The following KIAA0586 variants were observed in gnomAD, a reference collection of about 807,000 sequenced individuals.
KIAA0586 encodes protein TALPID3.
In KIAA0586, 144 loss-of-function variants were observed where a neutral mutation model predicts 169.8. The observed-to-expected ratio is 0.85, with a 90% CI of 0.74 to 0.97. KIAA0586 has a LOEUF of 0.97. Ranked by LOEUF, KIAA0586 falls within the 50% of genes least tolerant of loss-of-function variation. The pLI is 0.00. For missense variants in KIAA0586, 1,854 were observed against 1,823.0 expected, an observed-to-expected ratio of 1.02 and a Z score of -0.31; for synonymous variants, 625 against 612.4, an observed-to-expected ratio of 1.02 and a Z score of -0.30.
intron 27 of KIAA0586, among the ~76,000 whole-genome samples, chr14:58,507,349 C>T (rs1263335256): frequency 2.2e-5 from 3 of 138,024 alleles, no homozygotes; most frequent in Non-Finnish European, 3.2e-5. Context: ...TATATAATAT[C>T]ATATATAATA....
intron 4 of KIAA0586, chr14:58,440,289 TC>T: frequency 1.6e-5 from 3 of 192,260 alleles, no homozygotes; most frequent in Non-Finnish European, 3.4e-5. Flanking sequence ...TTTTCTTCTT[TC>T]TCTCTCTCTC....
intron 27 of KIAA0586, among the ~76,000 whole-genome samples, chr14:58,501,681 T>G (rs1037905245): frequency 1.6e-4 from 24 of 152,228 alleles, no homozygotes; most frequent in African/African-American, 5.5e-4. Context: ...TATAGCAGAA[T>G]AGCTAAGAGT....
chr14:58,538,871 C>T (rs1441954322), intron 29 of KIAA0586, among the ~76,000 whole-genome samples: 3 of 152,080 alleles, frequency 2.0e-5, no homozygotes, highest in South Asian at 2.1e-4. Flanking sequence ...CCTCTGCCTC[C>T]TGGACTCAAG....
chr14:58,540,712 T>C (rs1241620493), intron 30 of KIAA0586, among the ~76,000 whole-genome samples: 1 of 152,198 alleles, frequency 6.6e-6, no homozygotes, highest in African/African-American at 2.4e-5. Flanking sequence ...CTAAAAGATA[T>C]TTTGGGATAA....
At chr14:58,544,334 A>G (rs1266161955) in intron 30 of KIAA0586, among the ~76,000 whole-genome samples, 1 of 152,126 alleles carries the variant, frequency 6.6e-6, no homozygotes, top group Non-Finnish European at 1.5e-5. Flanking sequence ...GAACATTTGC[A>G]TATATGTGTC....
At chr14:58,488,923 C>A (rs1169662905) in intron 24 of KIAA0586, 49 bp downstream of exon 24, 2 of 1,553,028 alleles carry the variant, frequency 1.3e-6, no homozygotes, top group Admixed American at 1.8e-5. Context: ...TATGCTAATT[C>A]CCTAAGTAAT....
chr14:58,529,893 A>G (rs1402434793), intron 29 of KIAA0586, among the ~76,000 whole-genome samples: 5 of 152,210 alleles, frequency 3.3e-5, no homozygotes, highest in African/African-American at 1.2e-4. Context: ...AGCATATTCA[A>G]ATAGGAAGGG....
At position 58,438,966 on chromosome 14, in the gene KIAA0586, C is replaced by T. The variant is rs577746875; in HGVS notation, c.411-3740C>T. Among the ~76,000 whole-genome samples, 18 of 152,180 alleles carry T rather than the reference C, an allele frequency of 1.2e-4. 1 individual carries two copies. Among genetic ancestry groups the T allele is most frequent in the African/African-American group, 4.1e-4 (17 of 41,528 alleles). On this transcript the variant is annotated intron_variant, in intron 4 of 30. Coordinates refer to ENST00000652326, the MANE Select transcript of KIAA0586 (RefSeq NM_001329943.3). ...TTGAATGGTGACGTGTAGGAAGTTT[C>T]TAAGCAAGTAGAAACTGGAAGAATG...
intron 28 of KIAA0586, among the ~76,000 whole-genome samples, chr14:58,510,734 A>G (rs1477121477): frequency 1.3e-5 from 2 of 152,212 alleles, no homozygotes; most frequent in Non-Finnish European, 2.9e-5. Context: ...AATGTCAATC[A>G]ACTGGTAAAT....
chr14:58,492,417 G>A, intron 26 of KIAA0586, 142 bp downstream of exon 26: 1 of 625,438 alleles, frequency 1.6e-6, no homozygotes, highest in Non-Finnish European at 2.7e-6. Flanking sequence ...TTGGAATCAT[G>A]GAACTGTAGA....
At chr14:58,544,611 A>C (rs2046867827) in intron 30 of KIAA0586, among the ~76,000 whole-genome samples, 1 of 152,130 alleles carries the variant, frequency 6.6e-6, no homozygotes, top group South Asian at 2.1e-4. Context: ...GCATTTCTCT[A>C]ATGAGCAGTG....
intron 4 of KIAA0586, 106 bp from the exon 5 acceptor site, chr14:58,442,600 T>TA (rs1296041300): frequency 4.3e-5 from 35 of 816,026 alleles, no homozygotes; most frequent in South Asian, 6.6e-5. Flanking sequence ...GTGATTTAAT[T>TA]AAAAAAAATC....
Position 58,444,141 on chromosome 14 carries a change from T to C in KIAA0586, c.773T>C (p.Leu258Pro), listed in dbSNP as rs778825803. 1.2e-6 allele frequency: 2 copies of C among 1,613,172 alleles called. No individual in the cohort carries two copies. The highest frequency in any genetic ancestry group is 1.1e-5 in the South Asian group (1 of 90,978). The change falls in exon 6 of 31, where the codon CTT becomes CCT. Residue 258 changes from leucine (L) to proline (P), a missense_variant. Transcript: ENST00000652326. The part of the protein sequence containing the change: ...NVFMEQHIRH[L>P]EKLQQQQIDI... ...TTTATGGAGCAGCACATAAGGCATC[T>C]TGAAAAGTTACAACAACAACAAATA...
intron 14 of KIAA0586, 32 bp downstream of exon 14, chr14:58,461,192 A>G: frequency 7.0e-7 from 1 of 1,419,118 alleles, no homozygotes. Flanking sequence ...GTTTAATCTC[A>G]TTTCTTAATA....
intron 29 of KIAA0586, among the ~76,000 whole-genome samples, chr14:58,538,660 T>G (rs1443210375): frequency 6.6e-6 from 1 of 152,022 alleles, no homozygotes; most frequent in Non-Finnish European, 1.5e-5. Context: ...TTACTGGGCC[T>G]AATTCATTCT....
chr14:58,553,692 A>T (rs1420167618), downstream of KIAA0586, among the ~76,000 whole-genome samples: 1 of 152,106 alleles, frequency 6.6e-6, no homozygotes, highest in East Asian at 1.9e-4. Context: ...GTAGAAGTCC[A>T]TTGGTTTTAG....
rs1361546710 is a variant in KIAA0586 at position 58,444,067 on chromosome 14, G to A, written c.699G>A (p.Arg233=). The A allele has an allele frequency of 6.2e-7, 1 of 1,613,236 alleles. No individual in the cohort carries two copies. The highest frequency in any genetic ancestry group is 8.5e-7 in the Non-Finnish European group (1 of 1,179,496). ...CAGAGCAGCAAACAAGCATTCAGAGGAAACAAGAGAAATTACATTGTCATG... is the reference window on the plus strand; with the variant it reads ...CAGAGCAGCAAACAAGCATTCAGAGAAAACAAGAGAAATTACATTGTCATG... ...RVTEQQTSIQ[R]KQEKLHCHDH... The change falls in exon 6 of 31, where the codon AGG becomes AGA. Residue 233 remains arginine (R), a synonymous_variant. Coordinates refer to ENST00000652326, the MANE Select transcript of KIAA0586 (RefSeq NM_001329943.3).
chr14:58,454,948 TGAG>T (rs1168995578), intron 9 of KIAA0586, among the ~76,000 whole-genome samples: 2 of 152,232 alleles, frequency 1.3e-5, no homozygotes, highest in Middle Eastern at 3.2e-3. Context: ...TGGTTTCTGA[TGAG>T]GAGTTGTATG....
chr14:58,482,256 T>A (rs551449514), intron 20 of KIAA0586, among the ~76,000 whole-genome samples: 42 of 151,912 alleles, frequency 2.8e-4, no homozygotes, highest in Non-Finnish European at 5.0e-4. Context: ...TGAAACCCCA[T>A]CTCTACTAAA....
Sources: gnomAD v4.1 joint callset for allele counts (sites outside exome capture counted in the v4.1 genomes callset) on GRCh38, gnomAD v4.1.1 for gene constraint, MANE v1.5 for transcripts, NCBI Gene and HGNC (gene_info 2026-07-23, HGNC 2026-07-21) for gene names.